The following FAM227A variants were observed in gnomAD, a reference collection of about 807,000 sequenced individuals.
FAM227A encodes the protein protein FAM227A.
Under a neutral mutation model 74.7 loss-of-function variants are expected in FAM227A, and 80 were observed. That is an observed-to-expected ratio of 1.07 (90% confidence interval 0.89 to 1.29). FAM227A has a LOEUF of 1.29. FAM227A is among the 50% of genes most tolerant of loss of function. The probability of loss-of-function intolerance (pLI) is 0.00; values close to 1 mark genes in which losing one functional copy is unlikely to be tolerated. For synonymous variants in FAM227A, 237 were observed against 241.8 expected (o/e 0.98, Z 0.19); for missense variants, 654 against 683.4 (o/e 0.96, Z 0.48).
chr22:38,629,374 G>A (rs2091872279), intron 6 of FAM227A, among the ~76,000 whole-genome samples: 1 of 152,236 alleles, frequency 6.6e-6, no homozygotes, highest in South Asian at 2.1e-4. Flanking sequence ...CAGAGCAGCA[G>A]AGATGTAGCT....
chr22:38,654,287 G>A (rs1208914141), intron 1 of FAM227A, among the ~76,000 whole-genome samples: 2 of 152,024 alleles, frequency 1.3e-5, no homozygotes, highest in Non-Finnish European at 2.9e-5. Context: ...GGCGGAGCTT[G>A]CAGTGAGCCG....
At chr22:38,626,905 T>TAC (rs2091821180) in intron 8 of FAM227A, among the ~76,000 whole-genome samples, 1 of 106,834 alleles carries the variant, frequency 9.4e-6, no homozygotes, top group Non-Finnish European at 1.8e-5. Context: ...TATATATATA[T>TAC]ATATATATAC....
chr22:38,646,242 G>GT (rs1569240853), intron 2 of FAM227A, among the ~76,000 whole-genome samples: 2 of 125,144 alleles, frequency 1.6e-5, no homozygotes, highest in African/African-American at 3.1e-5. Flanking sequence ...TTTCCTTCCA[G>GT]TATTTCTTTT....
intron 10 of FAM227A, among the ~76,000 whole-genome samples, chr22:38,620,640 A>G (rs2091668882): frequency 6.9e-6 from 1 of 145,472 alleles, no homozygotes; most frequent in Non-Finnish European, 1.5e-5. Flanking sequence ...TGTCTCTACT[A>G]AAAAAAAAAA....
chr22:38,594,969 G>GTGCC (rs2146175320), intron 15 of FAM227A, among the ~76,000 whole-genome samples: 1 of 152,236 alleles, frequency 6.6e-6, no homozygotes, highest in East Asian at 1.9e-4. Context: ...GTGGTGGCAT[G>GTGCC]TGCCTGTAAT....
chr22:38,631,861 T>C (rs961233464), intron 6 of FAM227A, among the ~76,000 whole-genome samples: 1 of 152,206 alleles, frequency 6.6e-6, no homozygotes, highest in East Asian at 1.9e-4. Context: ...CAAGACGCAC[T>C]GGAGGGGATT....
rs1392905889 is a variant in FAM227A, at chr22:38,628,237, C to G, written c.726+1G>C. ...TTTTCTAGATAGTGGCTGATGCTCACTTTTAAGAGCGCCTCTTCAGAGTGG... is the reference window on the plus strand; with the variant it reads ...TTTTCTAGATAGTGGCTGATGCTCAGTTTTAAGAGCGCCTCTTCAGAGTGG... On this transcript the variant is annotated splice_donor_variant, in intron 8 of 16. Transcript: ENST00000535113. LOFTEE classifies it high-confidence loss of function. The G allele has an allele frequency of 3.3e-6, 5 of 1,534,508 alleles. No individual in the cohort carries two copies. Among genetic ancestry groups the G allele is most frequent in the Non-Finnish European group, 4.4e-6 (5 of 1,131,480 alleles).
intron 1 of FAM227A, among the ~76,000 whole-genome samples, chr22:38,652,339 A>T (rs952515670): frequency 6.6e-6 from 1 of 152,154 alleles, no homozygotes; most frequent in Non-Finnish European, 1.5e-5. Flanking sequence ...CTGTAATCCC[A>T]GCACTTTGGG....
chr22:38,651,176 G>T (rs185751811), intron 1 of FAM227A, among the ~76,000 whole-genome samples: 2 of 152,086 alleles, frequency 1.3e-5, no homozygotes, highest in Non-Finnish European at 2.9e-5. Flanking sequence ...ACTACGCCCA[G>T]GTGACATATC....
chr22:38,630,228 G>T (rs2091890911), intron 6 of FAM227A, among the ~76,000 whole-genome samples: 3 of 152,260 alleles, frequency 2.0e-5, no homozygotes. Context: ...GAAAGACCCG[G>T]TGGCATTGCC....
At position 38,584,830 on chromosome 22, in the gene FAM227A, CTT is replaced by C. The variant is rs907999647; in HGVS notation, c.*1293_*1294del. 2 of 151,968 alleles carry C rather than the reference CTT, an allele frequency of 1.3e-5. No individual in the cohort carries two copies. The highest frequency in any genetic ancestry group is 6.6e-5 in the Admixed American group (1 of 15,238). 9.4% of individuals were successfully genotyped at this position (151,968 alleles called of 1,614,324 possible). A position where few individuals can be genotyped will look rare whatever the true frequency, so the allele number is the denominator to read the frequency against. ...TTTTTTTTTGAGACAGAGTTTCGCT[CTT>C]GTTGCCCAGGCTGGAGTGCAATAGC... On this transcript the variant is annotated 3_prime_UTR_variant, in exon 17 of 17. Coordinates refer to ENST00000535113, the MANE Select transcript of FAM227A (RefSeq NM_001013647.2).
intron 8 of FAM227A, among the ~76,000 whole-genome samples, chr22:38,626,891 A>ATATATATAT (rs1555966995): frequency 1.7e-5 from 1 of 57,690 alleles, no homozygotes; most frequent in Non-Finnish European, 2.9e-5. Context: ...AAAAAAAAAA[A>ATATATATAT]ATATATATAT....
At chr22:38,607,556 A>G (rs927631015) in intron 11 of FAM227A, 80 bp from the exon 12 acceptor site, 3 of 957,614 alleles carry the variant, frequency 3.1e-6, no homozygotes, top group Admixed American at 4.2e-5. Context: ...AGAGAAATAC[A>G]AAAAAGTAAT....
chr22:38,624,919 T>C (rs2091765253), intron 9 of FAM227A, among the ~76,000 whole-genome samples: 2 of 152,218 alleles, frequency 1.3e-5, no homozygotes, highest in South Asian at 4.1e-4. Context: ...TATGAGTTCT[T>C]CTAGCAAATC....
intron 2 of FAM227A, 80 bp downstream of exon 2, chr22:38,649,947 G>A (rs1046684797): frequency 7.8e-7 from 1 of 1,282,954 alleles, no homozygotes; most frequent in Non-Finnish European, 1.1e-6. Context: ...TTATAGACCT[G>A]AGCACTGATT....
At chr22:38,604,714 C>T (rs1257646223) in intron 13 of FAM227A, among the ~76,000 whole-genome samples, 3 of 152,042 alleles carry the variant, frequency 2.0e-5, no homozygotes, top group East Asian at 3.9e-4. Context: ...AGTGCAGTGG[C>T]GCGATCTTAG....
At chr22:38,597,162 A>T in intron 15 of FAM227A, 42 bp downstream of exon 15, 1 of 1,542,514 alleles carries the variant, frequency 6.5e-7, no homozygotes, top group Non-Finnish European at 8.8e-7. Context: ...GCTGCAAAAG[A>T]TAAGTGCGGA....
chr22:38,626,913 T>TATATATATAC (rs34078214), intron 8 of FAM227A, among the ~76,000 whole-genome samples: 2,014 of 89,412 alleles, frequency 0.023, 56 homozygotes, highest in East Asian at 0.039. Flanking sequence ...TATATATATA[T>TATATATATAC]ACACGTATAT....
intron 2 of FAM227A, among the ~76,000 whole-genome samples, chr22:38,649,188 T>C (rs748499434): frequency 6.6e-6 from 1 of 152,168 alleles, no homozygotes; most frequent in Non-Finnish European, 1.5e-5. Context: ...TCTTTCTGAT[T>C]ATGTTAGTAA....
Sources: allele counts gnomAD v4.1 joint callset (sites outside exome capture counted in the v4.1 genomes callset), GRCh38; gene constraint gnomAD v4.1.1; transcripts MANE v1.5; gene names NCBI Gene and HGNC (gene_info 2026-07-23, HGNC 2026-07-21).